CAMK1D: variants seen among roughly 807,000 people sequenced by gnomAD.
CAMK1D encodes calcium/calmodulin-dependent protein kinase type 1D.
CAMK1D carries 9 observed loss-of-function variants against 47.7 expected under a neutral mutation model. The ratio of observed to expected loss-of-function variants is 0.19; its 90% CI spans 0.11 to 0.33. The LOEUF (loss-of-function observed/expected upper bound fraction) is 0.33. Ranked by LOEUF, CAMK1D falls within the 10% of genes least tolerant of loss-of-function variation. The probability of loss-of-function intolerance (pLI) is 1.00; values close to 1 mark genes in which losing one functional copy is unlikely to be tolerated. For missense variants in CAMK1D, 291 were observed against 488.7 expected (o/e 0.60, Z 3.81); for synonymous variants, 184 against 184.9 (o/e 0.99, Z 0.04).
chr10:12,785,056 G>A (rs1837664744), intron 5 of CAMK1D, among the ~76,000 whole-genome samples: 1 of 152,200 alleles, frequency 6.6e-6, no homozygotes, highest in South Asian at 2.1e-4. Context: ...CCCAATGTGT[G>A]TCAACTGAGT....
intron 1 of CAMK1D, among the ~76,000 whole-genome samples, chr10:12,380,074 G>T (rs1421335405): frequency 6.6e-6 from 1 of 151,976 alleles, no homozygotes; most frequent in Non-Finnish European, 1.5e-5. Flanking sequence ...AATTAGCCGG[G>T]CGTGGTGGCG....
chr10:12,536,702 C>A (rs1479877129), intron 1 of CAMK1D, among the ~76,000 whole-genome samples: 1 of 152,170 alleles, frequency 6.6e-6, no homozygotes, highest in East Asian at 1.9e-4. Flanking sequence ...TATACCCAAA[C>A]AATGTAGCGG....
intron 8 of CAMK1D, among the ~76,000 whole-genome samples, chr10:12,822,502 G>A (rs757353038): frequency 3.9e-5 from 6 of 152,366 alleles, no homozygotes; most frequent in African/African-American, 1.2e-4. Context: ...GCCACGGGCC[G>A]TGGGGTCTGA....
chr10:12,362,676 TA>T (rs1306750959), intron 1 of CAMK1D, among the ~76,000 whole-genome samples: 8 of 152,110 alleles, frequency 5.3e-5, no homozygotes, highest in East Asian at 1.9e-4. Flanking sequence ...TTTTATTTTT[TA>T]TTTTTTTTAT....
intron 2 of CAMK1D, among the ~76,000 whole-genome samples, chr10:12,607,256 C>G (rs2132403587): frequency 6.6e-6 from 1 of 152,332 alleles, no homozygotes; most frequent in East Asian, 1.9e-4. Flanking sequence ...TCCTGCCTTT[C>G]CAACTGGGCT....
intron 1 of CAMK1D, among the ~76,000 whole-genome samples, chr10:12,515,408 T>C (rs563745989): frequency 2.5e-5 from 2 of 80,454 alleles, no homozygotes; most frequent in South Asian, 8.9e-4. Flanking sequence ...TTTTCTTTTT[T>C]TTTTTTTTTC....
intron 1 of CAMK1D, among the ~76,000 whole-genome samples, chr10:12,354,685 C>T (rs865880011): frequency 1.1e-4 from 17 of 152,122 alleles, no homozygotes; most frequent in African/African-American, 2.2e-4. Context: ...GCTGGGATTA[C>T]AGACGTGAGC....
chr10:12,407,247 G>A (rs1839469817), intron 1 of CAMK1D, among the ~76,000 whole-genome samples: 1 of 152,244 alleles, frequency 6.6e-6, no homozygotes, highest in Admixed American at 6.5e-5. Flanking sequence ...GGCGGGCAGA[G>A]CCGCCGTGAG....
rs1489644293 is a variant in CAMK1D at position 12,805,680 on chromosome 10, T to C, written c.642-8515T>C. On this transcript the variant is annotated intron_variant, in intron 6 of 10. Coordinates refer to ENST00000619168, the MANE Select transcript of CAMK1D (RefSeq NM_153498.4). ...CCACCGCGCCTGGCCAATAGGCCGA[T>C]ATCTTTACATTTCTTAAGAGAACCC... Among the ~76,000 whole-genome samples the C allele has an allele frequency of 2.6e-5, 4 of 152,222 alleles. No homozygotes were observed. In the East Asian group the frequency reaches 5.8e-4, roughly 22 times the overall value.
At chr10:12,706,158 G>C (rs1833719706) in intron 3 of CAMK1D, among the ~76,000 whole-genome samples, 1 of 152,262 alleles carries the variant, frequency 6.6e-6, no homozygotes, top group South Asian at 2.1e-4. Flanking sequence ...TGTAGACAAC[G>C]TTTGGATGGA....
At chr10:12,751,068 T>TAAGAGAAGAG (rs1448196377) in intron 3 of CAMK1D, among the ~76,000 whole-genome samples, 9 of 20,688 alleles carry the variant, frequency 4.4e-4, no homozygotes, top group Non-Finnish European at 7.1e-4. Flanking sequence ...TAAGATAAGA[T>TAAGAGAAGAG]AAGATAAGAT....
intron 1 of CAMK1D, among the ~76,000 whole-genome samples, chr10:12,535,959 G>A (rs1020567338): frequency 2.6e-5 from 4 of 152,156 alleles, no homozygotes; most frequent in Non-Finnish European, 2.9e-5. Context: ...GCTTAACAGT[G>A]TGGCTGTTAA....
intron 6 of CAMK1D, 41 bp downstream of exon 6, chr10:12,791,274 CT>C: frequency 1.9e-6 from 3 of 1,579,618 alleles, no homozygotes; most frequent in Non-Finnish European, 2.6e-6. Flanking sequence ...CTCTACCGGC[CT>C]TTTTTTGTTT....
chr10:12,692,465 AC>A (rs1832965814), intron 3 of CAMK1D, among the ~76,000 whole-genome samples: 2 of 152,214 alleles, frequency 1.3e-5, no homozygotes, highest in Admixed American at 1.3e-4. Context: ...AAAAAGATGT[AC>A]CTAAGATTTA....
chr10:12,735,301 C>T (rs924131534), intron 3 of CAMK1D, among the ~76,000 whole-genome samples: 2 of 152,078 alleles, frequency 1.3e-5, no homozygotes, highest in African/African-American at 4.8e-5. Flanking sequence ...CACGGTGAAA[C>T]CCCGTCTCTA....
intron 7 of CAMK1D, 115 bp downstream of exon 7, chr10:12,814,422 C>G (rs1417240443): frequency 1.7e-6 from 1 of 598,950 alleles, no homozygotes; most frequent in African/African-American, 1.9e-5. Context: ...CCTGAGGGTC[C>G]TGTCTTGGTT....
chr10:12,365,599 C>G (rs534353480), intron 1 of CAMK1D, among the ~76,000 whole-genome samples: 1 of 151,928 alleles, frequency 6.6e-6, no homozygotes, highest in African/African-American at 2.4e-5. Flanking sequence ...CCACCATGCC[C>G]GGCTAATTTT....
chr10:12,551,480 C>T (rs1025136341), intron 1 of CAMK1D, among the ~76,000 whole-genome samples: 9 of 152,186 alleles, frequency 5.9e-5, no homozygotes, highest in Non-Finnish European at 7.4e-5. Context: ...AGTGGCTGGG[C>T]GTGGTGGTTC....
At chr10:12,608,971 AT>A (rs1356212327) in intron 2 of CAMK1D, among the ~76,000 whole-genome samples, 1 of 152,254 alleles carries the variant, frequency 6.6e-6, no homozygotes, top group Non-Finnish European at 1.5e-5. Flanking sequence ...TGCCGGGCAG[AT>A]GATGCATGCC....
Sources: gnomAD v4.1 joint callset for allele counts (sites outside exome capture counted in the v4.1 genomes callset) on GRCh38, gnomAD v4.1.1 for gene constraint, MANE v1.5 for transcripts, NCBI Gene and HGNC (gene_info 2026-07-23, HGNC 2026-07-21) for gene names.